MAP2K5: variants seen among roughly 807,000 people sequenced by gnomAD.
MAP2K5 encodes the protein mitogen-activated protein kinase kinase 5.
MAP2K5 carries 49 observed loss-of-function variants against 83.1 expected under a neutral mutation model. The ratio of observed to expected loss-of-function variants is 0.59; its 90% CI spans 0.47 to 0.75. The LOEUF (loss-of-function observed/expected upper bound fraction) is 0.75, where lower values mean the gene tolerates loss of function less well. MAP2K5 is among the 30% of genes least tolerant of loss of function. The pLI, the probability that MAP2K5 is intolerant of heterozygous loss-of-function variation, is 0.00. For missense variants in MAP2K5, 457 were observed against 557.5 expected, an observed-to-expected ratio of 0.82 and a Z score of 1.82; for synonymous variants, 202 against 191.8, an observed-to-expected ratio of 1.05 and a Z score of -0.44.
At chr15:67,596,451 T>G (rs1379803572) in intron 7 of MAP2K5, among the ~76,000 whole-genome samples, 1 of 151,982 alleles carries the variant, frequency 6.6e-6, no homozygotes, top group Non-Finnish European at 1.5e-5. Context: ...CCTTTTTGTA[T>G]ATAGAAAAAA....
chr15:67,765,651 C>T (rs953390778), intron 19 of MAP2K5, among the ~76,000 whole-genome samples: 6 of 152,124 alleles, frequency 3.9e-5, no homozygotes, highest in African/African-American at 9.7e-5. Context: ...GGTCACTAAA[C>T]GTATTTATTG....
intron 13 of MAP2K5, among the ~76,000 whole-genome samples, chr15:67,674,172 T>A (rs1336987564): frequency 6.6e-6 from 1 of 152,070 alleles, no homozygotes; most frequent in Non-Finnish European, 1.5e-5. Context: ...AAAGAACTGG[T>A]TAGTGCTTGA....
intron 8 of MAP2K5, among the ~76,000 whole-genome samples, chr15:67,626,419 T>C (rs974544281): frequency 6.6e-6 from 1 of 151,888 alleles, no homozygotes; most frequent in Non-Finnish European, 1.5e-5. Flanking sequence ...CCCAGCTCCT[T>C]GGGAGGCTGA....
At chr15:67,733,375 A>G (rs2089267257) in intron 17 of MAP2K5, among the ~76,000 whole-genome samples, 1 of 152,240 alleles carries the variant, frequency 6.6e-6, no homozygotes, top group Non-Finnish European at 1.5e-5. Context: ...ATCTGTTTCA[A>G]ATAAGATGAT....
rs936039762 is a variant in MAP2K5, at chr15:67,770,953, A to G, written c.1196+1290A>G. ...TAATATTGTGTAGCTTTTAAAAACT[A>G]TTTTTACTCTGAAAACATTTTATTT... On this transcript the variant is annotated intron_variant, in intron 20 of 21. Transcript: ENST00000178640. The surrounding 1 kb of genome is among the most constrained non-coding windows in gnomAD (Gnocchi z 5.0). Among the ~76,000 whole-genome samples the G allele has an allele frequency of 2.0e-5, 3 of 152,096 alleles. No homozygotes were observed. Among genetic ancestry groups the G allele is most frequent in the Non-Finnish European group, 2.9e-5 (2 of 68,016 alleles).
At position 67,651,116 on chromosome 15, in the gene MAP2K5, G is replaced by T. The variant is rs147225336; in HGVS notation, c.736+4647G>T. 4.6e-3 allele frequency among the ~76,000 whole-genome samples: 700 copies of T among 152,306 alleles called. 5 individuals are homozygous for T. Among genetic ancestry groups the T allele is most frequent in the African/African-American group, 0.016 (675 of 41,558 alleles). On this transcript the variant is annotated intron_variant, in intron 11 of 21. Transcript: ENST00000178640. The stretch of plus-strand genomic sequence containing the variant: ...GCCTGTAATCCCAGCTACTTGAGAG[G>T]CTGAGGCAGGAGAATCACTTGAACC...
At position 67,550,079 on chromosome 15, in the gene MAP2K5, G is replaced by A; in HGVS notation, c.181G>A (p.Glu61Lys). 6.2e-7 allele frequency: 1 copy of A among 1,613,310 alleles called. No homozygotes were observed. Among genetic ancestry groups the A allele is most frequent in the Non-Finnish European group, 8.5e-7 (1 of 1,179,356 alleles). Residue 61 changes from glutamate to lysine, a missense_variant, in exon 2 of 22, where the codon GAA becomes AAA. By Grantham distance (56) the Glu-to-Lys change is moderately conservative. Around this residue, in one of 3 missense-constraint regions of MAP2K5, gnomAD observed 234 missense variants for 243.6 expected, o/e 0.96. Transcript: ENST00000178640. ...GCCTGAAGCAACAACTACAGCATTT[G>A]AATGTAAGTCTGGCTTGTATACTTT... ...VLPEATTTAF[E>K]YEDEDGDRIT... is the part of the protein sequence containing the mutation.
At chr15:67,585,211 G>A (rs1167009706) in intron 4 of MAP2K5, among the ~76,000 whole-genome samples, 1 of 151,898 alleles carries the variant, frequency 6.6e-6, no homozygotes, top group Non-Finnish European at 1.5e-5. Flanking sequence ...GGAGGCTTTT[G>A]TATTTTTAAC....
intron 9 of MAP2K5, among the ~76,000 whole-genome samples, chr15:67,634,518 A>T (rs1327238622): frequency 1.3e-5 from 2 of 151,762 alleles, no homozygotes; most frequent in Non-Finnish European, 1.5e-5. Context: ...ATCTAGTACT[A>T]TCAATTACTG....
intron 9 of MAP2K5, among the ~76,000 whole-genome samples, chr15:67,631,130 G>A (rs556457705): frequency 4.6e-5 from 7 of 152,234 alleles, no homozygotes; most frequent in East Asian, 1.9e-4. Flanking sequence ...TGTAAGCTCC[G>A]TGTATTGTGA....
intron 3 of MAP2K5, among the ~76,000 whole-genome samples, chr15:67,568,249 G>A (rs12441715): frequency 0.23 from 34,784 of 152,088 alleles, 4,967 homozygotes; most frequent in East Asian, 0.5. Flanking sequence ...TGAAGTGTAA[G>A]TATTCCCTTT....
chr15:67,630,984 G>T (rs2086461583), intron 9 of MAP2K5, 57 bp downstream of exon 9: 2 of 1,311,342 alleles, frequency 1.5e-6, no homozygotes, highest in Admixed American at 1.9e-5. Context: ...CCTTTCCTCT[G>T]TTAGCTTGAG....
In MAP2K5 at chr15:67,782,578, C is replaced by CA. The variant is rs1440428623; in HGVS notation, c.1242+9827dup. On this transcript the variant is annotated intron_variant, in intron 21 of 21. Transcript: ENST00000178640. The surrounding 1 kb of genome is among the most constrained non-coding windows in gnomAD (Gnocchi z 4.9). ...GAGTTTATTCAGCATTCACAGGGAG[C>CA]AGCTAATTGTCTATGAAGGGCCCCC... Among the ~76,000 whole-genome samples the CA allele has an allele frequency of 6.6e-6, 1 of 152,198 alleles. No individual in the cohort carries two copies. The highest frequency in any genetic ancestry group is 1.5e-5 in the Non-Finnish European group (1 of 68,026).
chr15:67,617,662 A>C (rs970874507), intron 8 of MAP2K5, among the ~76,000 whole-genome samples: 8 of 152,070 alleles, frequency 5.3e-5, no homozygotes, highest in Non-Finnish European at 1.0e-4. Flanking sequence ...TGGACTTTTT[A>C]ACATGTTATT....
chr15:67,641,302 G>C (rs984526795), intron 9 of MAP2K5: 2 of 171,502 alleles, frequency 1.2e-5, no homozygotes, highest in Non-Finnish European at 2.7e-5. Context: ...TTAATCATTT[G>C]TATACTGACT....
chr15:67,626,413 G>A (rs1407468058), intron 8 of MAP2K5, among the ~76,000 whole-genome samples: 2 of 152,122 alleles, frequency 1.3e-5, no homozygotes, highest in Non-Finnish European at 2.9e-5. Flanking sequence ...TGTAATCCCA[G>A]CTCCTTGGGA....
intron 6 of MAP2K5, among the ~76,000 whole-genome samples, chr15:67,590,034 T>C (rs556352700): frequency 4.6e-5 from 7 of 152,316 alleles, no homozygotes; most frequent in Non-Finnish European, 7.4e-5. Context: ...GGCAGCTGTG[T>C]ATTTTTTCCA....
intron 13 of MAP2K5, among the ~76,000 whole-genome samples, chr15:67,686,040 G>A (rs1427430371): frequency 6.6e-6 from 1 of 152,118 alleles, no homozygotes; most frequent in Non-Finnish European, 1.5e-5. Context: ...AGAGATTAGT[G>A]GAATGCTAAG....
chr15:67,595,031 A>G (rs558901685), intron 7 of MAP2K5, among the ~76,000 whole-genome samples: 9 of 152,172 alleles, frequency 5.9e-5, no homozygotes, highest in Non-Finnish European at 1.0e-4. Flanking sequence ...ACACTTGAGC[A>G]TAGTTTTTTA....
Sources: allele counts gnomAD v4.1 joint callset (sites outside exome capture counted in the v4.1 genomes callset), GRCh38; gene constraint gnomAD v4.1.1; regional missense constraint gnomAD v4.1.1; non-coding constraint Gnocchi (gnomAD v3.1); transcripts MANE v1.5; gene names NCBI Gene and HGNC (gene_info 2026-07-23, HGNC 2026-07-21).